MARCHF4: variants seen among roughly 807,000 people sequenced by gnomAD.
MARCHF4 encodes the protein E3 ubiquitin-protein ligase MARCHF4.
MARCHF4 carries 14 observed loss-of-function variants against 43.9 expected under a neutral mutation model. The ratio of observed to expected loss-of-function variants is 0.32; its 90% CI spans 0.21 to 0.50. MARCHF4 has a LOEUF of 0.50. Among genes scored for constraint, MARCHF4 ranks in the 20% least tolerant of loss-of-function variants. The probability of loss-of-function intolerance (pLI) is 0.98; values close to 1 mark genes in which losing one functional copy is unlikely to be tolerated. For missense variants in MARCHF4, 468 were observed against 536.7 expected (o/e 0.87, Z 1.27); for synonymous variants, 226 against 213.3 (o/e 1.06, Z -0.52).
rs117956959 is a variant in MARCHF4, at chr2:216,284,396, G to A, written c.517-667C>T. Among the ~76,000 whole-genome samples, 158 of 152,326 alleles carry A rather than the reference G, an allele frequency of 1.0e-3. 5 individuals carry two copies. In the East Asian group the frequency reaches 0.029, roughly 28 times the overall value. ...TGAAACTTCCTTTGAGTGGACGGCA[G>A]CATTGGGCTCACTCTCCAGAACTTC... is the stretch of plus-strand genomic sequence containing the variant. On this transcript the variant is annotated intron_variant, in intron 1 of 3. Transcript: ENST00000273067.
At chr2:216,326,840 T>C (rs1692000824) in intron 1 of MARCHF4, among the ~76,000 whole-genome samples, 1 of 150,168 alleles carries the variant, frequency 6.7e-6, no homozygotes, top group Non-Finnish European at 1.5e-5. Context: ...AGGGATAGCA[T>C]TGGGAGATAT....
At chr2:216,276,910 G>A (rs908152668) in intron 3 of MARCHF4, among the ~76,000 whole-genome samples, 2 of 152,168 alleles carry the variant, frequency 1.3e-5, no homozygotes, top group African/African-American at 4.8e-5. Context: ...TGGAAGAAAG[G>A]AAGAATATAA....
chr2:216,286,670 G>A (rs977245059), intron 1 of MARCHF4, among the ~76,000 whole-genome samples: 1 of 152,230 alleles, frequency 6.6e-6, no homozygotes, highest in Admixed American at 6.5e-5. Flanking sequence ...TTTAACTCTT[G>A]CATTCAGGCA....
intron 1 of MARCHF4, among the ~76,000 whole-genome samples, chr2:216,324,036 T>G (rs1691948093): frequency 6.6e-6 from 1 of 151,534 alleles, no homozygotes; most frequent in South Asian, 2.1e-4. Context: ...GCTGGTTTTT[T>G]GAAAGGATCA....
intron 1 of MARCHF4, among the ~76,000 whole-genome samples, chr2:216,345,431 C>A (rs1365100933): frequency 6.6e-6 from 1 of 151,694 alleles, no homozygotes; most frequent in East Asian, 1.9e-4. Flanking sequence ...TCCAATAAAT[C>A]TCTTGACAGC....
chr2:216,263,637 A>G (rs1209756200), intron 3 of MARCHF4, among the ~76,000 whole-genome samples: 1 of 152,156 alleles, frequency 6.6e-6, no homozygotes, highest in African/African-American at 2.4e-5. Flanking sequence ...ATGAAGGAAG[A>G]GAAGTAGTTG....
chr2:216,259,672 G>A lies in MARCHF4; in HGVS notation c.873C>T (p.Ile291=). ...GGTACACCGAGGGTCCTTCATGGAT[G>A]ATGAGACCTGAGGCAGCAGGGAGAG... ...GFMDVVCIGL[I]IHEGPSVYRI... is the part of the protein sequence containing the mutation. Residue 291 remains isoleucine (I), a synonymous_variant, in exon 4 of 4, where the codon ATC becomes ATT. Transcript: ENST00000273067. The A allele has an allele frequency of 6.2e-7, 1 of 1,613,380 alleles. No individual in the cohort carries two copies. Among genetic ancestry groups the A allele is most frequent in the Non-Finnish European group, 8.5e-7 (1 of 1,179,396 alleles).
At chr2:216,313,483 A>T (rs1249805277) in intron 1 of MARCHF4, among the ~76,000 whole-genome samples, 1 of 152,194 alleles carries the variant, frequency 6.6e-6, no homozygotes, top group African/African-American at 2.4e-5. Flanking sequence ...TCTAAAGACT[A>T]AACGTTATGG....
intron 1 of MARCHF4, among the ~76,000 whole-genome samples, chr2:216,356,416 C>T (rs1015740102): frequency 1.3e-5 from 2 of 152,190 alleles, no homozygotes; most frequent in African/African-American, 4.8e-5. Flanking sequence ...TCTCAAGAGC[C>T]CATTTCATGC....
intron 1 of MARCHF4, among the ~76,000 whole-genome samples, chr2:216,349,699 T>C (rs755592853): frequency 4.6e-5 from 7 of 152,034 alleles, no homozygotes; most frequent in Non-Finnish European, 7.4e-5. Flanking sequence ...GGCAGAGAGC[T>C]ATGGAGTCTA....
chr2:216,366,512 T>C (rs1692667656), intron 1 of MARCHF4, among the ~76,000 whole-genome samples: 2 of 152,168 alleles, frequency 1.3e-5, no homozygotes, highest in African/African-American at 4.8e-5. Flanking sequence ...TCTCTCTCTC[T>C]CTCTTCCTTT....
At chr2:216,368,010 AT>A (rs1219259943) in intron 1 of MARCHF4, among the ~76,000 whole-genome samples, 1 of 152,168 alleles carries the variant, frequency 6.6e-6, no homozygotes, top group Non-Finnish European at 1.5e-5. Flanking sequence ...GCATGAAGCT[AT>A]TTGAAAAAGT....
At position 216,370,157 on chromosome 2, in the gene MARCHF4, T is replaced by C. The variant is rs1293092924; in HGVS notation, c.104A>G (p.Gln35Arg). 1.2e-6 allele frequency: 2 copies of C among 1,610,536 alleles called. No homozygotes were observed. Among genetic ancestry groups the C allele is most frequent in the African/African-American group, 1.3e-5 (1 of 74,992 alleles). The change falls in exon 1 of 4, where the codon CAG becomes CGG. Residue 35 changes from glutamine (Q) to arginine (R), a missense_variant. Physicochemically the swap from Gln to Arg is conservative, Grantham distance 43 (BLOSUM62 1). Around this residue, in one of 3 missense-constraint regions of MARCHF4, gnomAD observed 190 missense variants for 158.5 expected, o/e 1.20. Coordinates refer to ENST00000273067, the MANE Select transcript of MARCHF4 (RefSeq NM_020814.3). Reference sequence around the variant, plus strand: ...GCGGCAGCGGCACTTGAGGAGACCCTGGTGGCGCAACATCTGGGGGGCTGG... The same window carrying C: ...GCGGCAGCGGCACTTGAGGAGACCCCGGTGGCGCAACATCTGGGGGGCTGG... ...CAPAPQMLRH[Q>R]GLLKCRCRML...
intron 1 of MARCHF4, among the ~76,000 whole-genome samples, chr2:216,340,204 C>A (rs1420934037): frequency 6.6e-6 from 1 of 152,226 alleles, no homozygotes; most frequent in Non-Finnish European, 1.5e-5. Flanking sequence ...ATTCCTTTTA[C>A]AGCCTGGGTG....
intron 1 of MARCHF4, among the ~76,000 whole-genome samples, chr2:216,284,302 G>A (rs1691183954): frequency 6.6e-6 from 1 of 152,160 alleles, no homozygotes; most frequent in African/African-American, 2.4e-5. Flanking sequence ...GGGTAGCTAG[G>A]AAGCCCAGTT....
chr2:216,347,873 C>T lies in MARCHF4; in HGVS notation c.516+21872G>A, dbSNP rs573774450. On this transcript the variant is annotated intron_variant, in intron 1 of 3. Coordinates refer to ENST00000273067, the MANE Select transcript of MARCHF4 (RefSeq NM_020814.3). ...TATTTTGAACTACTTCCAGACTTAC[C>T]AAAAAGTTGCAAAAATACAGTTTTC... Among the ~76,000 whole-genome samples the T allele has an allele frequency of 3.0e-4, 45 of 148,358 alleles. No homozygotes were observed. The South Asian group carries it at 9.2e-3, about 30-fold the overall frequency.
rs1007172535 is a variant in MARCHF4, at chr2:216,320,269, T to G, written c.517-36540A>C. Among the ~76,000 whole-genome samples the G allele has an allele frequency of 7.9e-5, 12 of 152,256 alleles. 1 individual carries two copies. Among genetic ancestry groups the G allele is most frequent in the Non-Finnish European group, 1.8e-4 (12 of 68,052 alleles). Reference sequence around the variant, plus strand: ...TATTAACTCTTTTTGACCCAGTTCCTATGGGTGCTTTATTCCCTGCCTCTC... The same window carrying G: ...TATTAACTCTTTTTGACCCAGTTCCGATGGGTGCTTTATTCCCTGCCTCTC... On this transcript the variant is annotated intron_variant, in intron 1 of 3. Coordinates refer to ENST00000273067, the MANE Select transcript of MARCHF4 (RefSeq NM_020814.3).
intron 1 of MARCHF4, among the ~76,000 whole-genome samples, chr2:216,313,405 T>A (rs190547028): frequency 4.6e-5 from 7 of 152,338 alleles, no homozygotes; most frequent in Admixed American, 2.6e-4. Flanking sequence ...GGAGTAAAAT[T>A]GATTCTTTTA....
At chr2:216,364,643 A>C (rs1007233686) in intron 1 of MARCHF4, among the ~76,000 whole-genome samples, 3 of 152,178 alleles carry the variant, frequency 2.0e-5, no homozygotes, top group Non-Finnish European at 4.4e-5. Flanking sequence ...TCCTTGGCCT[A>C]AGGGCAGGGA....
Sources: allele counts gnomAD v4.1 joint callset (sites outside exome capture counted in the v4.1 genomes callset), GRCh38; gene constraint gnomAD v4.1.1; regional missense constraint gnomAD v4.1.1; transcripts MANE v1.5; gene names NCBI Gene and HGNC (gene_info 2026-07-23, HGNC 2026-07-21).